PDE8B: variants seen among roughly 807,000 people sequenced by gnomAD.
The protein encoded by PDE8B is high affinity cAMP-specific and IBMX-insensitive 3',5'-cyclic phosphodiesterase 8B.
In PDE8B, 26 loss-of-function variants were observed where a neutral mutation model predicts 101.3. That is an observed-to-expected ratio of 0.26 (90% CI 0.19 to 0.36). PDE8B has a LOEUF of 0.36. PDE8B is among the 10% of genes least tolerant of loss of function. The pLI, the probability that PDE8B is intolerant of heterozygous loss-of-function variation, is 1.00. For missense variants in PDE8B, 810 were observed against 1,163.1 expected (o/e 0.70, Z 4.42); for synonymous variants, 424 against 429.3 (o/e 0.99, Z 0.15).
At chr5:77,286,303 T>G (rs898417382) in intron 1 of PDE8B, among the ~76,000 whole-genome samples, 14 of 152,196 alleles carry the variant, frequency 9.2e-5, no homozygotes, top group Non-Finnish European at 2.1e-4. Flanking sequence ...AGTTCCAGGA[T>G]CAGCCAGAGA....
At chr5:77,399,582 A>C (rs1791811402) in intron 10 of PDE8B, among the ~76,000 whole-genome samples, 1 of 152,226 alleles carries the variant, frequency 6.6e-6, no homozygotes, top group African/African-American at 2.4e-5. Flanking sequence ...TCAGTTATAA[A>C]ACAAGAAATG....
At chr5:77,133,163 G>A in the PDE8B span, among the ~76,000 whole-genome samples, 1 of 152,202 alleles carries the variant, frequency 6.6e-6, no homozygotes, top group Non-Finnish European at 1.5e-5. Context: ...TGCAAGTAGG[G>A]GCTTGAAAAA....
At chr5:77,381,310 G>A (rs1441958550) in intron 10 of PDE8B, among the ~76,000 whole-genome samples, 5 of 152,214 alleles carry the variant, frequency 3.3e-5, no homozygotes, top group South Asian at 2.1e-4. Context: ...GTAGAGAGAC[G>A]CAAGTGACTT....
At chr5:77,218,439 G>C (rs772619294) in intron 1 of PDE8B, among the ~76,000 whole-genome samples, 1 of 152,226 alleles carries the variant, frequency 6.6e-6, no homozygotes, top group Non-Finnish European at 1.5e-5. Context: ...AAGAGGGTCC[G>C]AATGGTCTCT....
At chr5:77,123,986 G>A in the PDE8B span, among the ~76,000 whole-genome samples, 3 of 152,078 alleles carry the variant, frequency 2.0e-5, no homozygotes, top group African/African-American at 4.8e-5. Flanking sequence ...GTTTGAAGTG[G>A]GGCTAAATTA....
Position 77,354,325 on chromosome 5 carries a change from T to C in PDE8B, c.1167+919T>C, listed in dbSNP as rs75409112. Among the ~76,000 whole-genome samples, 844 of 152,294 alleles carry C rather than the reference T, an allele frequency of 5.5e-3. 11 individuals carry two copies. Among genetic ancestry groups the C allele is most frequent in the African/African-American group, 0.018 (732 of 41,548 alleles). ...ATCAAAGGGGTCCACGTCCATGTGC[T>C]CCTTTATAAGATATAGTTGGAGATA... On this transcript the variant is annotated intron_variant, in intron 10 of 21. Coordinates refer to ENST00000264917, the MANE Select transcript of PDE8B (RefSeq NM_003719.5).
intron 1 of PDE8B, among the ~76,000 whole-genome samples, chr5:77,257,815 C>T (rs1224350085): frequency 6.6e-6 from 1 of 152,122 alleles, no homozygotes. Flanking sequence ...CTGATGCTCT[C>T]CCTCCCCCAT....
At chr5:77,407,514 C>A (rs1407171030) in intron 13 of PDE8B, 57 bp downstream of exon 13, 3 of 1,218,536 alleles carry the variant, frequency 2.5e-6, no homozygotes, top group Non-Finnish European at 3.7e-6. Context: ...CAGGGCCGTG[C>A]TCTGAAAATA....
intron 10 of PDE8B, among the ~76,000 whole-genome samples, chr5:77,368,435 C>T (rs1425848518): frequency 6.6e-6 from 1 of 152,212 alleles, no homozygotes; most frequent in Non-Finnish European, 1.5e-5. Context: ...CTCCTGGCTC[C>T]TGATCCCCAG....
At chr5:77,155,876 T>C in the PDE8B span, among the ~76,000 whole-genome samples, 1 of 152,320 alleles carries the variant, frequency 6.6e-6, no homozygotes, top group South Asian at 2.1e-4. Context: ...AGCCAGGTAT[T>C]TTTCCCCTGG....
intron 19 of PDE8B, among the ~76,000 whole-genome samples, chr5:77,420,454 A>AAT (rs1796408176): frequency 6.6e-6 from 1 of 151,974 alleles, no homozygotes; most frequent in Non-Finnish European, 1.5e-5. Context: ...GTTCACACCT[A>AAT]ATAAGATCCA....
chr5:77,294,976 T>C (rs1768208917), intron 1 of PDE8B, among the ~76,000 whole-genome samples: 1 of 151,522 alleles, frequency 6.6e-6, no homozygotes, highest in African/African-American at 2.4e-5. Context: ...CCAAACCCCG[T>C]TGTGTACTGG....
At chr5:77,122,763 A>G in the PDE8B span, among the ~76,000 whole-genome samples, 2 of 152,258 alleles carry the variant, frequency 1.3e-5, no homozygotes. Flanking sequence ...GCTTTCAATC[A>G]TGAAGGAGTA....
the PDE8B span, among the ~76,000 whole-genome samples, chr5:77,136,922 A>G: frequency 2.0e-5 from 3 of 152,148 alleles, no homozygotes; most frequent in African/African-American, 7.2e-5. Context: ...ATGTTTATTA[A>G]ATAGATTTTG....
the PDE8B span, among the ~76,000 whole-genome samples, chr5:77,109,012 A>G: frequency 2.6e-5 from 4 of 152,166 alleles, no homozygotes. Context: ...CCATCCTACA[A>G]GTCAGATAGA....
At chr5:77,248,835 G>A (rs139132845) in intron 1 of PDE8B, among the ~76,000 whole-genome samples, 1 of 152,250 alleles carries the variant, frequency 6.6e-6, no homozygotes, top group Admixed American at 6.5e-5. Flanking sequence ...CAAGGCTGGG[G>A]ACCTGATCCA....
chr5:77,331,108 A>G (rs941026991), intron 4 of PDE8B, among the ~76,000 whole-genome samples: 1 of 152,194 alleles, frequency 6.6e-6, no homozygotes, highest in Non-Finnish European at 1.5e-5. Context: ...GCTCCCATAC[A>G]TGTGGCTCAA....
At chr5:77,109,927 G>GTTTTTTTTTTTTTT in the PDE8B span, among the ~76,000 whole-genome samples, 4 of 67,264 alleles carry the variant, frequency 5.9e-5, no homozygotes, top group African/African-American at 2.3e-4. Flanking sequence ...TTGTATTTCA[G>GTTTTTTTTTTTTTT]TTTTTTTTTT....
chr5:77,422,465 CAGAG>C (rs1319393467), intron 20 of PDE8B, among the ~76,000 whole-genome samples: 1 of 151,984 alleles, frequency 6.6e-6, no homozygotes, highest in African/African-American at 2.4e-5. Context: ...TACAGACGTT[CAGAG>C]AGACTTTTTT....
Sources: gnomAD v4.1 joint callset for allele counts (sites outside exome capture counted in the v4.1 genomes callset) on GRCh38, gnomAD v4.1.1 for gene constraint, MANE v1.5 for transcripts, NCBI Gene and HGNC (gene_info 2026-07-23, HGNC 2026-07-21) for gene names.